Variants in PIWIL1 observed in about 807,000 individuals in gnomAD.
The protein encoded by PIWIL1 is piwi like RNA-mediated gene silencing 1, also known as piwi-like protein 1.
In PIWIL1, 73 loss-of-function variants were observed where a neutral mutation model predicts 114.4. The observed-to-expected ratio is 0.64, with a 90% confidence interval of 0.53 to 0.78. PIWIL1 has a LOEUF of 0.78. Ranked by LOEUF, PIWIL1 falls within the 30% of genes least tolerant of loss-of-function variation. The pLI, the probability that PIWIL1 is intolerant of heterozygous loss-of-function variation, is 0.00. For synonymous variants in PIWIL1, 375 were observed against 369.0 expected (o/e 1.02, Z -0.19); for missense variants, 723 against 1,063.1 (o/e 0.68, Z 4.45).
At chr12:130,352,198 G>A (rs973379395) in intron 9 of PIWIL1, among the ~76,000 whole-genome samples, 4 of 152,142 alleles carry the variant, frequency 2.6e-5, no homozygotes, top group African/African-American at 9.7e-5. Flanking sequence ...TAGATTTTCT[G>A]GTAGAAATGC....
the PIWIL1 span, among the ~76,000 whole-genome samples, chr12:130,415,266 T>A: frequency 6.6e-6 from 1 of 152,270 alleles, no homozygotes; most frequent in Non-Finnish European, 1.5e-5. Context: ...TCAATAAATA[T>A]GATTCACCAC....
At chr12:130,422,950 G>A in the PIWIL1 span, among the ~76,000 whole-genome samples, 5 of 152,132 alleles carry the variant, frequency 3.3e-5, no homozygotes, top group African/African-American at 7.2e-5. This position sits in a 1 kb window ranked among gnomAD's most constrained non-coding sequence, Gnocchi z 5.2. Context: ...CAGCTGTCAC[G>A]AAAGTGGGGA....
In PIWIL1 at chr12:130,361,313, T is replaced by C; in HGVS notation, c.1799T>C (p.Ile600Thr). The C allele has an allele frequency of 6.2e-7, 1 of 1,614,214 alleles. No individual in the cohort carries two copies. The highest frequency in any genetic ancestry group is 8.5e-7 in the Non-Finnish European group (1 of 1,180,028). Residue 600 changes from isoleucine (I) to threonine (T), a missense_variant, in exon 15 of 21, where the codon ATT becomes ACT. Coordinates refer to ENST00000245255, the MANE Select transcript of PIWIL1 (RefSeq NM_004764.5). ...GGCAAACAGCAAACTGTCATGGCCA[T>C]TGCTACAAAGATTGCCCTACAGATG... ...TLGKQQTVMA[I>T]ATKIALQMNC...
At chr12:130,400,688 G>A in the PIWIL1 span, among the ~76,000 whole-genome samples, 2 of 152,186 alleles carry the variant, frequency 1.3e-5, no homozygotes, top group Non-Finnish European at 2.9e-5. Context: ...GCAGAGTGAT[G>A]AGTACCTGTG....
At chr12:130,390,577 G>T in the PIWIL1 span, among the ~76,000 whole-genome samples, 1 of 152,158 alleles carries the variant, frequency 6.6e-6, no homozygotes, top group African/African-American at 2.4e-5. Flanking sequence ...CGTTCACTTT[G>T]CTCCTTTGGA....
In PIWIL1 at chr12:130,361,162, A is replaced by G; in HGVS notation, c.1666-18A>G. On this transcript the variant is annotated intron_variant, in intron 14 of 20. Coordinates refer to ENST00000245255, the MANE Select transcript of PIWIL1 (RefSeq NM_004764.5). ...ATCTGTCTCCTAATTCTTTGTAACAAGGGCACTTTGTTTTCAGGTTGTCTG... is the reference window on the plus strand; with the variant it reads ...ATCTGTCTCCTAATTCTTTGTAACAGGGGCACTTTGTTTTCAGGTTGTCTG... 1 of 1,613,128 alleles carries G rather than the reference A, an allele frequency of 6.2e-7. No individual in the cohort carries two copies. The highest frequency in any genetic ancestry group is 8.5e-7 in the Non-Finnish European group (1 of 1,179,332).
At chr12:130,343,241 T>C in intron 3 of PIWIL1, 140 bp downstream of exon 3, 1 of 586,640 alleles carries the variant, frequency 1.7e-6, no homozygotes, top group South Asian at 2.4e-5. Context: ...AACACACAAA[T>C]CAATTGTGGA....
chr12:130,416,653 C>T, the PIWIL1 span, among the ~76,000 whole-genome samples: 1 of 152,202 alleles, frequency 6.6e-6, no homozygotes, highest in Non-Finnish European at 1.5e-5. Flanking sequence ...CCATTCTGGA[C>T]ATCAGCCTTG....
intron 5 of PIWIL1, 106 bp from the exon 6 acceptor site, chr12:130,346,835 A>G: frequency 7.1e-7 from 1 of 1,414,882 alleles, no homozygotes; most frequent in Non-Finnish European, 9.5e-7. Flanking sequence ...TCCAGTTAAA[A>G]CATTTTATGG....
chr12:130,408,175 T>C, the PIWIL1 span, among the ~76,000 whole-genome samples: 1 of 152,184 alleles, frequency 6.6e-6, no homozygotes, highest in Non-Finnish European at 1.5e-5. Flanking sequence ...GGCCGTGGCT[T>C]GGGAGGCCCT....
At chr12:130,342,475 G>A in intron 1 of PIWIL1, 105 bp from the exon 2 acceptor site, 1 of 688,216 alleles carries the variant, frequency 1.5e-6, no homozygotes, top group South Asian at 1.7e-5. Context: ...TAATTGCCTG[G>A]GGAGCTTACT....
At chr12:130,414,102 G>GC in the PIWIL1 span, 1 of 1,613,128 alleles carries the variant, frequency 6.2e-7, no homozygotes, top group Non-Finnish European at 8.5e-7. Flanking sequence ...TGATGAAGCC[G>GC]CCCGCAGGCA....
the PIWIL1 span, among the ~76,000 whole-genome samples, chr12:130,421,691 A>ATGTGTGTGTGTGTGTGTGTGTGTGTG: frequency 1.3e-4 from 19 of 147,296 alleles, no homozygotes; most frequent in African/African-American, 4.8e-4. Flanking sequence ...CTGCATTTAT[A>ATGTGTGTGTGTGTGTGTGTGTGTGTG]TGTGTGTGTG....
chr12:130,425,629 AC>A, the PIWIL1 span: 5 of 152,498 alleles, frequency 3.3e-5, no homozygotes, highest in Admixed American at 1.3e-4. Flanking sequence ...AGTGTCCATG[AC>A]TTTTATACTG....
At chr12:130,416,411 A>G in the PIWIL1 span, among the ~76,000 whole-genome samples, 3 of 152,210 alleles carry the variant, frequency 2.0e-5, no homozygotes, top group Non-Finnish European at 2.9e-5. Context: ...AGAACCAGAA[A>G]TAAAACCACA....
At chr12:130,378,866 T>C in the PIWIL1 span, among the ~76,000 whole-genome samples, 42 of 152,266 alleles carry the variant, frequency 2.8e-4, no homozygotes, top group African/African-American at 9.9e-4. Flanking sequence ...GTTGTAGACA[T>C]GCACTGTGAA....
At chr12:130,354,756 T>TC (rs1158925288) in intron 10 of PIWIL1, 93 bp downstream of exon 10, 11 of 1,480,034 alleles carry the variant, frequency 7.4e-6, no homozygotes, top group South Asian at 4.0e-5. Context: ...TCCCCTTCCC[T>TC]CCCCCCAGAA....
the PIWIL1 span, among the ~76,000 whole-genome samples, chr12:130,408,487 G>A: frequency 6.6e-6 from 1 of 152,192 alleles, no homozygotes; most frequent in Non-Finnish European, 1.5e-5. Flanking sequence ...GCCTGGCTCT[G>A]TCTCTGCCAC....
At chr12:130,400,788 A>G in the PIWIL1 span, among the ~76,000 whole-genome samples, 3 of 152,306 alleles carry the variant, frequency 2.0e-5, no homozygotes, top group East Asian at 3.9e-4. Flanking sequence ...AATTAAAGAC[A>G]TTTCTCCAAA....
Sources: allele counts gnomAD v4.1 joint callset (sites outside exome capture counted in the v4.1 genomes callset), GRCh38; gene constraint gnomAD v4.1.1; non-coding constraint Gnocchi (gnomAD v3.1); transcripts MANE v1.5; gene names NCBI Gene and HGNC (gene_info 2026-07-23, HGNC 2026-07-21).